The following LRIG2 variants were observed in gnomAD, a reference collection of about 807,000 sequenced individuals.
LRIG2 encodes leucine rich repeats and immunoglobulin like domains 2, also known as leucine-rich repeats and immunoglobulin-like domains protein 2.
Under a neutral mutation model 107.8 loss-of-function variants are expected in LRIG2, and 93 were observed. That is an observed-to-expected ratio of 0.86 (90% confidence interval 0.73 to 1.03). LRIG2 has a LOEUF of 1.03. LRIG2 is among the 50% of genes least tolerant of loss of function. LRIG2 has a pLI of 0.00. For synonymous variants in LRIG2, 471 were observed against 470.6 expected (o/e 1.00, Z -0.01); for missense variants, 1,226 against 1,296.0 (o/e 0.95, Z 0.83).
At chr1:113,076,499 A>G (rs1652990394) in intron 1 of LRIG2, among the ~76,000 whole-genome samples, 1 of 152,202 alleles carries the variant, frequency 6.6e-6, no homozygotes, top group Non-Finnish European at 1.5e-5. Flanking sequence ...GACTTAGAGA[A>G]CAATTCAGTT....
chr1:113,116,518 T>C (rs1655023918), intron 16 of LRIG2, 82 bp downstream of exon 16: 2 of 1,323,970 alleles, frequency 1.5e-6, no homozygotes, highest in Non-Finnish European at 2.1e-6. Context: ...TCCATTAATC[T>C]GAAGCAATAT....
Position 113,130,855 on chromosome 1 carries a change from A to C in LRIG2, c.*6754A>C, listed in dbSNP as rs1655681804. 1 of 152,240 alleles carries C rather than the reference A, an allele frequency of 6.6e-6. No homozygotes were observed. 9.4% of individuals were successfully genotyped at this position (152,240 alleles called of 1,614,324 possible). On this transcript the variant is annotated 3_prime_UTR_variant, in exon 18 of 18. Coordinates refer to ENST00000361127, the MANE Select transcript of LRIG2 (RefSeq NM_014813.3). ...GTTTAATCTTCTGAAGAAATCTATA[A>C]GTAGTTACTGGCATAAATGGTATTA...
rs1313979477 is a variant in LRIG2, at chr1:113,100,263, C to G, written c.1225C>G (p.Leu409Val). 1 of 1,588,914 alleles carries G rather than the reference C, an allele frequency of 6.3e-7. No homozygotes were observed. The highest frequency in any genetic ancestry group is 8.6e-7 in the Non-Finnish European group (1 of 1,161,830). Residue 409 changes from leucine to valine, a missense_variant, in exon 10 of 18, where the codon CTT becomes GTT. Coordinates refer to ENST00000361127, the MANE Select transcript of LRIG2 (RefSeq NM_014813.3). ...KSITKKAFIGLESLEHLDLNN... is the reference protein window; with the variant it reads ...KSITKKAFIGVESLEHLDLNN... ...AATTACAAAGAAAGCATTCATTGGT[C>G]TTGAATCCCTTGAGCATCTGTAAGT...
In LRIG2 at chr1:113,094,696, G is replaced by A. The variant is rs765165844; in HGVS notation, c.744G>A (p.Arg248=). Residue 248 remains arginine, a synonymous_variant, in exon 6 of 18, where the codon CGG becomes CGA. Transcript: ENST00000361127. ...LDSLRSLKMQ[R]NGISKLKDGA... is the part of the protein sequence containing the mutation. The stretch of plus-strand genomic sequence containing the variant: ...CCTTAAGATCTTTGAAAATGCAGCG[G>A]AATGGAATTAGCAAACTTAAGGATG... 1 of 1,613,998 alleles carries A rather than the reference G, an allele frequency of 6.2e-7. No homozygotes were observed. Among genetic ancestry groups the A allele is most frequent in the East Asian group, 2.2e-5 (1 of 44,846 alleles).
intron 15 of LRIG2, among the ~76,000 whole-genome samples, chr1:113,115,345 G>A (rs990602991): frequency 3.9e-5 from 6 of 152,056 alleles, no homozygotes; most frequent in Admixed American, 3.3e-4. Context: ...CTTCTGAGAA[G>A]CGGGGACTAT....
intron 16 of LRIG2, among the ~76,000 whole-genome samples, chr1:113,118,150 C>A (rs1655096960): frequency 6.6e-6 from 1 of 151,546 alleles, no homozygotes; most frequent in East Asian, 2.0e-4. Context: ...AACTTCGGAC[C>A]TCAGGTGATC....
chr1:113,079,843 C>T (rs1653177084), intron 1 of LRIG2, among the ~76,000 whole-genome samples: 1 of 145,160 alleles, frequency 6.9e-6, no homozygotes, highest in African/African-American at 2.6e-5. Context: ...AGCGATTCTG[C>T]TTCAGCCTCC....
At position 113,094,616 on chromosome 1, in the gene LRIG2, C is replaced by A. The variant is rs1172318453; in HGVS notation, c.664C>A (p.Leu222Ile). The A allele has an allele frequency of 6.2e-7, 1 of 1,610,300 alleles. No individual in the cohort carries two copies. The highest frequency in any genetic ancestry group is 1.3e-5 in the African/African-American group (1 of 74,744). Residue 222 changes from leucine to isoleucine, a missense_variant, in exon 6 of 18, where the codon CTT becomes ATT. Around this residue, in one of 3 missense-constraint regions of LRIG2, gnomAD observed 570 missense variants for 550.2 expected, o/e 1.04. Coordinates refer to ENST00000361127, the MANE Select transcript of LRIG2 (RefSeq NM_014813.3). ...FKLPHLQFLE[L>I]KRNRIKIVEG... Reference sequence around the variant, plus strand: ...GTAAAACTATTTTTGTTAAAGGGAACTTAAAAGAAACAGAATTAAAATTGT... The same window carrying A: ...GTAAAACTATTTTTGTTAAAGGGAAATTAAAAGAAACAGAATTAAAATTGT...
intron 9 of LRIG2, among the ~76,000 whole-genome samples, chr1:113,099,244 C>CTTTTTTTTTTTTTTTTTT (rs984786053): frequency 1.7e-5 from 2 of 117,942 alleles, no homozygotes; most frequent in African/African-American, 3.2e-5. Flanking sequence ...TGGTTTTTTT[C>CTTTTTTTTTTTTTTTTTT]TTTTTTTTTT....
chr1:113,102,446 A>G (rs541434053), intron 11 of LRIG2, among the ~76,000 whole-genome samples: 4 of 151,482 alleles, frequency 2.6e-5, no homozygotes, highest in African/African-American at 9.7e-5. Flanking sequence ...ATTTTTTTGT[A>G]TTTTTAGTTG....
intron 1 of LRIG2, among the ~76,000 whole-genome samples, chr1:113,089,557 T>C (rs1653698425): frequency 6.6e-6 from 1 of 152,144 alleles, no homozygotes; most frequent in Admixed American, 6.6e-5. Flanking sequence ...AGCCAGTTAA[T>C]ATGTGTCAGG....
In LRIG2 at chr1:113,092,149, T is replaced by C. The variant is rs146958279; in HGVS notation, c.305+766T>C. On this transcript the variant is annotated intron_variant, in intron 2 of 17. Coordinates refer to ENST00000361127, the MANE Select transcript of LRIG2 (RefSeq NM_014813.3). ...GTTTGTTAGCTGAAAGAGTAGGCAC[T>C]GAGGAAAGGCCTGAAAATGCTTCAG... 4.7e-3 allele frequency among the ~76,000 whole-genome samples: 717 copies of C among 152,358 alleles called. 1 individual carries two copies. Among genetic ancestry groups the C allele is most frequent in the Non-Finnish European group, 8.3e-3 (562 of 68,036 alleles).
intron 17 of LRIG2, among the ~76,000 whole-genome samples, chr1:113,120,320 C>A (rs993397049): frequency 1.3e-5 from 2 of 151,478 alleles, no homozygotes; most frequent in Non-Finnish European, 2.9e-5. Context: ...CATGGTGGTG[C>A]ATGCCTGTAG....
At chr1:113,073,669 T>A in intron 1 of LRIG2, 24 bp downstream of exon 1, 1 of 1,595,626 alleles carries the variant, frequency 6.3e-7, no homozygotes, top group Non-Finnish European at 8.5e-7. Flanking sequence ...CCAGGCAGAG[T>A]GACCAAAAGG....
Position 113,094,411 on chromosome 1 carries a change from G to A in LRIG2, c.588G>A (p.Val196=), listed in dbSNP as rs1384177556. The change falls in exon 5 of 18, where the codon GTG becomes GTA. Residue 196 remains valine (V), a synonymous_variant. Transcript: ENST00000361127. ...ATAATTTATCAAGTTCCTTATTAGT[G>A]GTAAAGTTAAACCGTAACCGAATGA... ...CFDNLSSSLL[V]VKLNRNRMSM... is the part of the protein sequence containing the mutation. 1.2e-6 allele frequency: 2 copies of A among 1,613,210 alleles called. No homozygotes were observed. The highest frequency in any genetic ancestry group is 1.7e-5 in the Admixed American group (1 of 59,952).
intron 1 of LRIG2, among the ~76,000 whole-genome samples, chr1:113,079,928 C>G (rs1339713263): frequency 6.6e-6 from 1 of 151,174 alleles, no homozygotes. Context: ...CGGGGCTTCA[C>G]CATGTTGGCC....
intron 13 of LRIG2, among the ~76,000 whole-genome samples, chr1:113,110,990 T>TTG (rs71087153): frequency 0.78 from 116,343 of 149,534 alleles, 45,950 homozygotes; most frequent in East Asian, 0.93. Context: ...ACAGGATCAT[T>TTG]TGTGTGTGTG....
chr1:113,105,810 A>G (rs1453127094), intron 11 of LRIG2, among the ~76,000 whole-genome samples: 1 of 152,250 alleles, frequency 6.6e-6, no homozygotes, highest in African/African-American at 2.4e-5. Context: ...TAGAGAAAAA[A>G]TTACTCAATG....
intron 11 of LRIG2, among the ~76,000 whole-genome samples, chr1:113,101,298 C>T (rs1654298569): frequency 6.6e-6 from 1 of 152,194 alleles, no homozygotes; most frequent in African/African-American, 2.4e-5. Context: ...GAACTCCTGA[C>T]CTCAGGTGAT....
Sources: allele counts gnomAD v4.1 joint callset (sites outside exome capture counted in the v4.1 genomes callset), GRCh38; gene constraint gnomAD v4.1.1; regional missense constraint gnomAD v4.1.1; transcripts MANE v1.5; gene names NCBI Gene and HGNC (gene_info 2026-07-23, HGNC 2026-07-21).